Variants in BTD observed in about 807,000 individuals in gnomAD.
BTD encodes the protein biocytinase.
A neutral mutation model predicts 17.7 loss-of-function variants in BTD; 13 were observed. That is an observed-to-expected ratio of 0.74 (90% CI 0.48 to 1.17). BTD has a LOEUF of 1.17. Ranked by LOEUF, BTD falls within the 50% of genes most tolerant of loss-of-function variation. The pLI, the probability that BTD is intolerant of heterozygous loss-of-function variation, is 0.00. For missense variants in BTD, 674 were observed against 650.4 expected (o/e 1.04, Z -0.39); for synonymous variants, 240 against 245.2 (o/e 0.98, Z 0.20).
chr3:15,605,513 G>A (rs556454135), intron 1 of BTD, among the ~76,000 whole-genome samples: 1 of 152,210 alleles, frequency 6.6e-6, no homozygotes, highest in South Asian at 2.1e-4. Flanking sequence ...CTTCTTTCAA[G>A]TCTCAGAGTG....
rs759653392 is a variant in BTD at position 15,659,524 on chromosome 3, A to G, written c.399+17467A>G. On this transcript the variant is annotated intron_variant, in intron 3 of 3. Coordinates refer to the BTD transcript ENST00000672141. ...AGCCACCCCTGGCTCCATCATCTCT[A>G]TTTCCTTTCACATAGGCGCTTTCTC... is the stretch of plus-strand genomic sequence containing the variant. 7.9e-5 allele frequency among the ~76,000 whole-genome samples: 12 copies of G among 152,094 alleles called. 1 individual carries two copies. Among genetic ancestry groups the G allele is most frequent in the Non-Finnish European group, 1.5e-4 (10 of 68,020 alleles).
At chr3:15,680,809 G>A (rs939842687) in intron 3 of BTD, among the ~76,000 whole-genome samples, 1 of 151,738 alleles carries the variant, frequency 6.6e-6, no homozygotes, top group African/African-American at 2.4e-5. Flanking sequence ...AAGACAACAG[G>A]TGCAAGGCTA....
At chr3:15,692,613 C>A (rs1260638570) in intron 3 of BTD, among the ~76,000 whole-genome samples, 2 of 152,184 alleles carry the variant, frequency 1.3e-5, no homozygotes, top group Non-Finnish European at 2.9e-5. Context: ...CAAGGCCAGT[C>A]TCCTTAAGCC....
chr3:15,661,265 C>CAAAAAAAAAAAAA (rs56165902), intron 3 of BTD, among the ~76,000 whole-genome samples: 44 of 93,750 alleles, frequency 4.7e-4, no homozygotes, highest in African/African-American at 5.9e-4. Flanking sequence ...GACTCTGTCT[C>CAAAAAAAAAAAAA]AAAAAAAAAA....
chr3:15,715,377 A>G (rs2072880883), downstream of BTD, among the ~76,000 whole-genome samples: 1 of 152,232 alleles, frequency 6.6e-6, no homozygotes, highest in Non-Finnish European at 1.5e-5. Flanking sequence ...TGGAAATGTC[A>G]CAAGTATTCT....
downstream of BTD, among the ~76,000 whole-genome samples, chr3:15,717,022 C>T (rs2073155190): frequency 6.6e-6 from 1 of 152,200 alleles, no homozygotes; most frequent in Admixed American, 6.5e-5. Context: ...TTATTTAATT[C>T]TCACAACCCT....
intron 2 of BTD, among the ~76,000 whole-genome samples, chr3:15,639,388 T>G (rs1243523571): frequency 6.6e-6 from 1 of 152,192 alleles, no homozygotes; most frequent in Non-Finnish European, 1.5e-5. Flanking sequence ...AATAAAGCTT[T>G]TATTTAATTC....
In BTD at chr3:15,644,485, A is replaced by G. The variant is rs397507174; in HGVS notation, c.569A>G (p.Tyr190Cys). Residue 190 changes from tyrosine (Y) to cysteine (C), a missense_variant, in exon 4 of 4, where the codon TAC becomes TGC. Physicochemically the swap from Tyr to Cys is radical, Grantham distance 194. Transcript: ENST00000643237. ...FSNNGTLVDR[Y>C]RKHNLYFEAA... ...AATAATGGAACCCTTGTTGACCGCT[A>G]CCGTAAACACAACCTCTACTTTGAG... 6.2e-7 allele frequency: 1 copy of G among 1,614,126 alleles called. No individual in the cohort carries two copies. The highest frequency in any genetic ancestry group is 1.1e-5 in the South Asian group (1 of 91,068).
intron 3 of BTD, among the ~76,000 whole-genome samples, chr3:15,675,121 T>G (rs1305620679): frequency 6.6e-6 from 1 of 151,976 alleles, no homozygotes; most frequent in African/African-American, 2.4e-5. Context: ...AATACAAAAT[T>G]TAGCCAGGCG....
intron 3 of BTD, chr3:15,685,907 A>G: frequency 1.0e-6 from 1 of 961,726 alleles, no homozygotes; most frequent in Non-Finnish European, 1.5e-6. Flanking sequence ...TTTGACGAAC[A>G]TTTAATGAAG....
chr3:15,608,769 A>G (rs542794251), intron 1 of BTD, among the ~76,000 whole-genome samples: 1 of 152,048 alleles, frequency 6.6e-6, no homozygotes, highest in Non-Finnish European at 1.5e-5. Flanking sequence ...CGTCTCAAAA[A>G]AAAAAAAAAA....
rs144515096 is a variant in BTD at position 15,620,121 on chromosome 3, G to A, written c.-16-15303G>A. On this transcript the variant is annotated intron_variant, in intron 1 of 3. Transcript: ENST00000643237. ...CCACTGATAATGGTCTATGTTCAGC[G>A]GTGCACATATTGTCTTGATAAACAT... Among the ~76,000 whole-genome samples, 1,132 of 152,224 alleles carry A rather than the reference G, an allele frequency of 7.4e-3. 48 individuals are homozygous for A. The highest frequency in any genetic ancestry group is 0.056 in the Admixed American group (858 of 15,294).
chr3:15,681,483 CAAATA>C (rs2067541705), intron 3 of BTD, among the ~76,000 whole-genome samples: 3 of 152,286 alleles, frequency 2.0e-5, no homozygotes, highest in African/African-American at 7.2e-5. Context: ...CTAATTACTA[CAAATA>C]AAATGTTGCT....
At chr3:15,706,239 C>A (rs901022889) in intron 3 of BTD, among the ~76,000 whole-genome samples, 7 of 152,020 alleles carry the variant, frequency 4.6e-5, no homozygotes, top group African/African-American at 1.7e-4. Context: ...ATCCCTCCCC[C>A]TCCTCCCCAC....
intron 3 of BTD, among the ~76,000 whole-genome samples, chr3:15,696,484 G>A (rs958522220): frequency 7.2e-5 from 11 of 151,988 alleles, no homozygotes; most frequent in African/African-American, 2.7e-4. Context: ...AAGTCTGTCA[G>A]ACAGCTTTTT....
chr3:15,694,589 G>T, intron 3 of BTD: 8 of 476,458 alleles, frequency 1.7e-5, no homozygotes, highest in South Asian at 5.7e-5. Context: ...GTAATTCTCT[G>T]AATTAAAGAA....
At chr3:15,685,205 A>G in intron 3 of BTD, 2 of 1,599,136 alleles carry the variant, frequency 1.3e-6, no homozygotes, top group South Asian at 1.1e-5. Flanking sequence ...AATGATATGC[A>G]TTTGTGTTTG....
At position 15,645,070 on chromosome 3, in the gene BTD, T is replaced by C. The variant is rs397514406; in HGVS notation, c.1154T>C (p.Leu385Pro). ...HSEMMYDNFTLVPVWGKEGYL... is the reference protein window; with the variant it reads ...HSEMMYDNFTPVPVWGKEGYL... ...GAGATGATGTATGACAATTTCACCCTGGTCCCTGTCTGGGGAAAGGAAGGC... is the reference window on the plus strand; with the variant it reads ...GAGATGATGTATGACAATTTCACCCCGGTCCCTGTCTGGGGAAAGGAAGGC... Residue 385 changes from leucine to proline, a missense_variant, in exon 4 of 4, where the codon CTG becomes CCG. Coordinates refer to ENST00000643237, the MANE Select transcript of BTD (RefSeq NM_001370658.1). 6.2e-7 allele frequency: 1 copy of C among 1,614,210 alleles called. No individual in the cohort carries two copies. The highest frequency in any genetic ancestry group is 8.5e-7 in the Non-Finnish European group (1 of 1,180,042).
chr3:15,678,376 A>G (rs1419556155), intron 3 of BTD: 2 of 1,578,980 alleles, frequency 1.3e-6, no homozygotes, highest in Admixed American at 3.7e-5. Flanking sequence ...AAAAATTGAA[A>G]TATATGACTA....
Sources: allele counts gnomAD v4.1 joint callset (sites outside exome capture counted in the v4.1 genomes callset), GRCh38; gene constraint gnomAD v4.1.1; transcripts MANE v1.5; gene names NCBI Gene and HGNC (gene_info 2026-07-23, HGNC 2026-07-21).